The following CTNNA2 variants were observed in gnomAD, a reference collection of about 807,000 sequenced individuals.
The protein encoded by CTNNA2 is catenin alpha-2.
A neutral mutation model predicts 101.0 loss-of-function variants in CTNNA2; 42 were observed. The observed-to-expected ratio is 0.42, with a 90% CI of 0.32 to 0.54. CTNNA2 has a LOEUF of 0.54. Among genes scored for constraint, CTNNA2 ranks in the 20% least tolerant of loss-of-function variants. CTNNA2 has a pLI of 0.14. For missense variants in CTNNA2, 871 were observed against 1,223.1 expected, an observed-to-expected ratio of 0.71 and a Z score of 4.29; for synonymous variants, 450 against 456.4, an observed-to-expected ratio of 0.99 and a Z score of 0.18.
intron 9 of CTNNA2, among the ~76,000 whole-genome samples, chr2:80,489,251 GC>G (rs1686840197): frequency 6.6e-6 from 1 of 152,122 alleles, no homozygotes; most frequent in Non-Finnish European, 1.5e-5. Context: ...TAAAATTACT[GC>G]TTTCTTAAGG....
At chr2:79,899,234 TTTGA>T (rs1684915647) in intron 6 of CTNNA2, among the ~76,000 whole-genome samples, 1 of 152,200 alleles carries the variant, frequency 6.6e-6, no homozygotes, top group Non-Finnish European at 1.5e-5. Flanking sequence ...AAAAATCTGA[TTTGA>T]TTAAGTGCAT....
intron 7 of CTNNA2, among the ~76,000 whole-genome samples, chr2:79,922,348 C>T (rs552227282): frequency 6.6e-6 from 1 of 152,218 alleles, no homozygotes; most frequent in South Asian, 2.1e-4. Flanking sequence ...TGTCTGCACA[C>T]TTGGGTGTTA....
intron 7 of CTNNA2, among the ~76,000 whole-genome samples, chr2:80,289,735 AG>A (rs2149176012): frequency 6.6e-6 from 1 of 152,304 alleles, no homozygotes. Flanking sequence ...GAGTCACACT[AG>A]TGACTGTCTA....
chr2:79,528,794 A>G (rs1174633029), intron 1 of CTNNA2, among the ~76,000 whole-genome samples: 1 of 152,182 alleles, frequency 6.6e-6, no homozygotes, highest in Non-Finnish European at 1.5e-5. Context: ...GTTTATATCT[A>G]GCCACAATAT....
At chr2:79,517,146 G>T (rs1479726186) in intron 1 of CTNNA2, among the ~76,000 whole-genome samples, 1 of 152,138 alleles carries the variant, frequency 6.6e-6, no homozygotes, top group Non-Finnish European at 1.5e-5. Flanking sequence ...ATGCTCACTG[G>T]CTACATCTGT....
At chr2:79,970,023 C>A (rs1690365931) in intron 7 of CTNNA2, among the ~76,000 whole-genome samples, 1 of 152,150 alleles carries the variant, frequency 6.6e-6, no homozygotes, top group Admixed American at 6.5e-5. Context: ...GACTGATATT[C>A]TACTGTTACT....
chr2:79,971,956 C>T (rs1690514615), intron 7 of CTNNA2, among the ~76,000 whole-genome samples: 1 of 152,178 alleles, frequency 6.6e-6, no homozygotes, highest in Non-Finnish European at 1.5e-5. Context: ...AACCTCATTG[C>T]TCCACCACCT....
chr2:79,846,060 AC>A (rs1387377232), intron 3 of CTNNA2, among the ~76,000 whole-genome samples: 1 of 152,184 alleles, frequency 6.6e-6, no homozygotes, highest in Non-Finnish European at 1.5e-5. Context: ...TAGTCTTTTC[AC>A]CCACAAGCCA....
chr2:80,589,892 G>GTC (rs1553400593), intron 15 of CTNNA2, among the ~76,000 whole-genome samples: 12 of 149,266 alleles, frequency 8.0e-5, no homozygotes, highest in African/African-American at 3.0e-4. Context: ...GTGTGTGTGT[G>GTC]TGTGTGTGTG....
chr2:80,226,911 C>A (rs1053567931), intron 7 of CTNNA2, among the ~76,000 whole-genome samples: 2 of 152,152 alleles, frequency 1.3e-5, no homozygotes, highest in African/African-American at 2.4e-5. Flanking sequence ...CCCCCCTTCA[C>A]TTTTATTTCA....
intron 7 of CTNNA2, among the ~76,000 whole-genome samples, chr2:80,107,829 G>A (rs1263286947): frequency 6.6e-6 from 1 of 152,188 alleles, no homozygotes; most frequent in African/African-American, 2.4e-5. Context: ...CCACCATGGG[G>A]CCTGCATGGA....
chr2:80,540,017 C>G (rs548032457), intron 9 of CTNNA2, among the ~76,000 whole-genome samples: 1 of 152,246 alleles, frequency 6.6e-6, no homozygotes, highest in Non-Finnish European at 1.5e-5. Context: ...TTGCATCAAG[C>G]AAGTTTCAAA....
chr2:80,097,194 C>T (rs2148831638), intron 7 of CTNNA2, among the ~76,000 whole-genome samples: 1 of 152,246 alleles, frequency 6.6e-6, no homozygotes, highest in East Asian at 1.9e-4. Context: ...TCTTTTATGG[C>T]AGGCCTGGTG....
At chr2:80,619,031 T>C in intron 17 of CTNNA2, 54 bp from the exon 18 acceptor site, 1 of 1,236,036 alleles carries the variant, frequency 8.1e-7, no homozygotes, top group Non-Finnish European at 1.1e-6. Flanking sequence ...ACTTTTTTTT[T>C]TTTTCTTTTG....
At chr2:80,493,993 A>T (rs1015544391) in intron 9 of CTNNA2, among the ~76,000 whole-genome samples, 2 of 152,220 alleles carry the variant, frequency 1.3e-5, no homozygotes, top group African/African-American at 4.8e-5. Context: ...TGAAGGTTGG[A>T]TAAGTGGATA....
chr2:79,262,487 G>C (rs893524032), intron 2 of CTNNA2, among the ~76,000 whole-genome samples: 1 of 151,762 alleles, frequency 6.6e-6, no homozygotes, highest in Admixed American at 6.6e-5. Context: ...AGAGCCAAAA[G>C]TTATTGTATT....
At chr2:80,070,051 A>G (rs952680079) in intron 7 of CTNNA2, among the ~76,000 whole-genome samples, 2 of 152,144 alleles carry the variant, frequency 1.3e-5, no homozygotes, top group Admixed American at 1.3e-4. Flanking sequence ...GAGTGCTACA[A>G]TTTGCCCTGG....
At chr2:80,445,187 T>C (rs1682966478) in intron 9 of CTNNA2, among the ~76,000 whole-genome samples, 1 of 152,114 alleles carries the variant, frequency 6.6e-6, no homozygotes, top group Non-Finnish European at 1.5e-5. Flanking sequence ...TTTATTTATT[T>C]ATTTATTTTT....
intron 7 of CTNNA2, among the ~76,000 whole-genome samples, chr2:79,971,225 A>C (rs1690456658): frequency 6.6e-6 from 1 of 152,214 alleles, no homozygotes; most frequent in South Asian, 2.1e-4. Flanking sequence ...GTACAGACAT[A>C]GTCAGCTATT....
Sources: allele counts gnomAD v4.1 joint callset (sites outside exome capture counted in the v4.1 genomes callset), GRCh38; gene constraint gnomAD v4.1.1; transcripts MANE v1.5; gene names NCBI Gene and HGNC (gene_info 2026-07-23, HGNC 2026-07-21).